Variants in TRIM49 observed in about 807,000 individuals in gnomAD.
TRIM49 encodes tripartite motif-containing protein 49.
In TRIM49, 5 loss-of-function variants were observed where a neutral mutation model predicts 27.4. The observed-to-expected ratio is 0.18, with a 90% CI of 0.10 to 0.38. The LOEUF is 0.38. Ranked by LOEUF, TRIM49 falls within the 10% of genes least tolerant of loss-of-function variation. The probability of loss-of-function intolerance (pLI) is 1.00; values close to 1 mark genes in which losing one functional copy is unlikely to be tolerated. For missense variants in TRIM49, 188 were observed against 487.5 expected (o/e 0.39, Z 5.79); for synonymous variants, 69 against 166.0 (o/e 0.42, Z 4.49).
At chr11:89,776,733 T>C in the TRIM49 span, among the ~76,000 whole-genome samples, 1 of 152,090 alleles carries the variant, frequency 6.6e-6, no homozygotes, top group Non-Finnish European at 1.5e-5. Flanking sequence ...GACTTGAACA[T>C]CTTAGGATCT....
At chr11:89,782,108 A>G in the TRIM49 span, 2 of 1,550,988 alleles carry the variant, frequency 1.3e-6, no homozygotes, top group Non-Finnish European at 1.7e-6. Context: ...TCGAGATTCC[A>G]GAACAGCAGA....
At chr11:89,794,591 A>G (rs1436502793), downstream of TRIM49, among the ~76,000 whole-genome samples, 1 of 149,938 alleles carries the variant, frequency 6.7e-6, no homozygotes, top group Non-Finnish European at 1.5e-5. Context: ...CCACATATCT[A>G]CAACCATCTG....
rs1949709734 is a variant in TRIM49 at position 89,798,536 on chromosome 11, A to G, written c.953T>C (p.Val318Ala). ...SMCIGCDHQD[V>A]PYFTATPRSF... ...TCTAGGTGTTGCAGTGAAATAGGGTACATCTTGATGGTCACATCCAATACA... is the reference window on the plus strand; with the variant it reads ...TCTAGGTGTTGCAGTGAAATAGGGTGCATCTTGATGGTCACATCCAATACA... The change falls in exon 8 of 8, where the codon GTA (valine) becomes GCA (alanine). Residue 318 changes from valine to alanine, a missense_variant. Around this residue, in one of 6 missense-constraint regions of TRIM49, gnomAD observed 94 missense variants for 149.6 expected, o/e 0.63. Transcript: ENST00000329758. The G allele has an allele frequency of 1.3e-6, 2 of 1,575,062 alleles. No homozygotes were observed.
At chr11:89,777,340 A>G in the TRIM49 span, 71 of 1,532,700 alleles carry the variant, frequency 4.6e-5, 8 homozygotes, top group South Asian at 7.8e-4. Flanking sequence ...ACCAGAGCAC[A>G]TGGCTCACAG....
the TRIM49 span, among the ~76,000 whole-genome samples, chr11:89,769,576 G>C: frequency 7.6e-6 from 1 of 131,268 alleles, no homozygotes; most frequent in Non-Finnish European, 1.5e-5. Flanking sequence ...AAGACTCTCA[G>C]GCCCAGCAAC....
chr11:89,802,618 C>T (rs1319896840), intron 4 of TRIM49, among the ~76,000 whole-genome samples: 4 of 150,904 alleles, frequency 2.7e-5, no homozygotes, highest in South Asian at 2.1e-4. Flanking sequence ...TATATACACA[C>T]AACCACACAC....
intron 4 of TRIM49, among the ~76,000 whole-genome samples, chr11:89,802,565 G>A (rs1403002463): frequency 6.7e-6 from 1 of 149,864 alleles, no homozygotes; most frequent in African/African-American, 2.5e-5. Context: ...ACATATATAT[G>A]TATACAAACA....
chr11:89,800,305 A>G (rs1442103543), intron 6 of TRIM49, among the ~76,000 whole-genome samples: 1 of 151,660 alleles, frequency 6.6e-6, no homozygotes, highest in Non-Finnish European at 1.5e-5. Flanking sequence ...GTTAACTGAT[A>G]TGTATATATG....
At chr11:89,796,458 A>G (rs1949689886), downstream of TRIM49, among the ~76,000 whole-genome samples, 1 of 133,458 alleles carries the variant, frequency 7.5e-6, no homozygotes, top group Admixed American at 7.2e-5. Flanking sequence ...CTGGTCTGGA[A>G]CTCCTGGCCA....
chr11:89,804,553 T>C, intron 2 of TRIM49, 80 bp from the exon 3 acceptor site: 1 of 1,463,166 alleles, frequency 6.8e-7, no homozygotes, highest in East Asian at 2.5e-5. Flanking sequence ...ATGTGATAGT[T>C]ATATTTTCTT....
the TRIM49 span, chr11:89,777,373 C>T: frequency 6.5e-7 from 1 of 1,533,342 alleles, no homozygotes; most frequent in Non-Finnish European, 8.8e-7. Context: ...GGATGGGCTG[C>T]TGAGGAATGC....
At chr11:89,791,331 C>A in the TRIM49 span, among the ~76,000 whole-genome samples, 1 of 152,178 alleles carries the variant, frequency 6.6e-6, no homozygotes, top group African/African-American at 2.4e-5. Context: ...AGGATATTAT[C>A]CAGGAGAACT....
chr11:89,802,253 C>CT (rs1759732366), intron 4 of TRIM49, among the ~76,000 whole-genome samples: 1 of 149,686 alleles, frequency 6.7e-6, no homozygotes, highest in Non-Finnish European at 1.5e-5. Flanking sequence ...GAGTATAGGG[C>CT]TATAGTTACT....
intron 2 of TRIM49, among the ~76,000 whole-genome samples, chr11:89,806,294 C>G (rs1208162779): frequency 6.6e-6 from 1 of 150,826 alleles, no homozygotes; most frequent in African/African-American, 2.5e-5. Context: ...TCAAATGGCC[C>G]ATGAATGTAT....
At chr11:89,804,034 A>C in intron 3 of TRIM49, 25 bp downstream of exon 3, 1 of 1,609,942 alleles carries the variant, frequency 6.2e-7, no homozygotes. Flanking sequence ...CTTTACAGAA[A>C]TCGATCTTCA....
rs1949706354 is a variant in TRIM49 at position 89,798,331 on chromosome 11, G to T, written c.1158C>A (p.Asp386Glu). ...AGGTGGTAAAGAGACTGCATTGAAT[G>T]TCATTCTTAACACACCCAAGAAGAA... is the stretch of plus-strand genomic sequence containing the variant. ...GLFLLGCVKN[D>E]IQCSLFTTSP... Residue 386 changes from aspartate to glutamate, a missense_variant, in exon 8 of 8, where the codon GAC (aspartate) becomes GAA (glutamate). This residue lies in a region of TRIM49 where 94 missense variants were observed against 149.6 expected (regional missense o/e 0.63). Coordinates refer to ENST00000329758, the MANE Select transcript of TRIM49 (RefSeq NM_020358.2). 6.4e-7 allele frequency: 1 copy of T among 1,573,228 alleles called. No homozygotes were observed. Among genetic ancestry groups the T allele is most frequent in the Non-Finnish European group, 8.6e-7 (1 of 1,163,598 alleles).
downstream of TRIM49, among the ~76,000 whole-genome samples, chr11:89,796,756 GTTA>G (rs1185294792): frequency 1.3e-5 from 2 of 151,574 alleles, no homozygotes; most frequent in East Asian, 3.9e-4. Flanking sequence ...CATTCAGTGA[GTTA>G]TTTATTGTTT....
At chr11:89,796,654 T>C (rs1334923691), downstream of TRIM49, among the ~76,000 whole-genome samples, 302 of 148,088 alleles carry the variant, frequency 2.0e-3, no homozygotes, top group Middle Eastern at 6.8e-3. Context: ...CAATATATTA[T>C]ATACATGGAA....
At chr11:89,791,792 C>A in the TRIM49 span, among the ~76,000 whole-genome samples, 1 of 152,120 alleles carries the variant, frequency 6.6e-6, no homozygotes, top group Non-Finnish European at 1.5e-5. Context: ...CAAAAACATG[C>A]CAAATTGTAA....
Sources: allele counts gnomAD v4.1 joint callset (sites outside exome capture counted in the v4.1 genomes callset), GRCh38; gene constraint gnomAD v4.1.1; regional missense constraint gnomAD v4.1.1; transcripts MANE v1.5; gene names NCBI Gene and HGNC (gene_info 2026-07-23, HGNC 2026-07-21).